The following GRID2 variants were observed in gnomAD, a reference collection of about 807,000 sequenced individuals.
GRID2 encodes glutamate ionotropic receptor delta type subunit 2, also known as glutamate receptor ionotropic, delta-2.
Under a neutral mutation model 114.8 loss-of-function variants are expected in GRID2, and 33 were observed. The observed-to-expected ratio is 0.29, with a 90% CI of 0.22 to 0.38. The LOEUF is 0.38. Among genes scored for constraint, GRID2 ranks in the 10% least tolerant of loss-of-function variants. GRID2 has a pLI of 1.00. For missense variants in GRID2, 1,184 were observed against 1,257.7 expected (o/e 0.94, Z 0.89); for synonymous variants, 505 against 449.9 (o/e 1.12, Z -1.55).
intron 2 of GRID2, among the ~76,000 whole-genome samples, chr4:92,986,352 A>G (rs1416218010): frequency 1.3e-5 from 2 of 152,198 alleles, no homozygotes; most frequent in Non-Finnish European, 2.9e-5. Flanking sequence ...TGATTAAATC[A>G]GCCAATAAGT....
At chr4:92,958,221 T>C (rs1031952885) in intron 2 of GRID2, among the ~76,000 whole-genome samples, 1 of 152,080 alleles carries the variant, frequency 6.6e-6, no homozygotes, top group Non-Finnish European at 1.5e-5. Context: ...GCCTACTTCC[T>C]GATCTTAGTT....
At chr4:92,702,942 T>G (rs1376801935) in intron 2 of GRID2, among the ~76,000 whole-genome samples, 1 of 152,110 alleles carries the variant, frequency 6.6e-6, no homozygotes, top group Non-Finnish European at 1.5e-5. Context: ...CATCTCCCAG[T>G]TCTTTAGCAC....
At chr4:93,343,177 T>G (rs1345494561) in intron 8 of GRID2, among the ~76,000 whole-genome samples, 1 of 151,580 alleles carries the variant, frequency 6.6e-6, no homozygotes, top group Non-Finnish European at 1.5e-5. Flanking sequence ...TGTGTGTGTG[T>G]GTGTATTGGG....
At chr4:93,411,592 A>C (rs1022915620) in intron 9 of GRID2, among the ~76,000 whole-genome samples, 20 of 151,752 alleles carry the variant, frequency 1.3e-4, no homozygotes, top group African/African-American at 4.8e-4. Flanking sequence ...ATGCCACTAC[A>C]CCTGGCTAAT....
intron 1 of GRID2, among the ~76,000 whole-genome samples, chr4:92,380,069 G>T (rs561642763): frequency 6.6e-6 from 1 of 151,998 alleles, no homozygotes; most frequent in African/African-American, 2.4e-5. Context: ...CGAAAGTGCT[G>T]ATCTTTAATG....
chr4:92,447,513 A>G (rs1242530823), intron 1 of GRID2, among the ~76,000 whole-genome samples: 7 of 152,206 alleles, frequency 4.6e-5, no homozygotes, highest in Admixed American at 1.3e-4. Flanking sequence ...ACACAGTTCT[A>G]TTATTTTCCT....
chr4:92,394,731 G>A (rs1730411483), intron 1 of GRID2, among the ~76,000 whole-genome samples: 1 of 151,734 alleles, frequency 6.6e-6, no homozygotes, highest in South Asian at 2.1e-4. Flanking sequence ...AATTATATGT[G>A]CTGTCAGTAA....
chr4:92,401,858 A>T (rs1730803721), intron 1 of GRID2, among the ~76,000 whole-genome samples: 1 of 152,166 alleles, frequency 6.6e-6, no homozygotes, highest in Non-Finnish European at 1.5e-5. Flanking sequence ...ACATCAGTTG[A>T]CACTATCTTG....
chr4:93,068,985 C>T (rs1022132854), intron 2 of GRID2, among the ~76,000 whole-genome samples: 5 of 151,814 alleles, frequency 3.3e-5, no homozygotes, highest in Non-Finnish European at 4.4e-5. Context: ...GGAGCAGGCA[C>T]ATCACATGGC....
At chr4:93,605,663 T>C (rs1443557665) in intron 13 of GRID2, among the ~76,000 whole-genome samples, 1 of 152,162 alleles carries the variant, frequency 6.6e-6, no homozygotes, top group Non-Finnish European at 1.5e-5. Context: ...CAAAAAGTAT[T>C]TATCACTTGC....
At chr4:93,075,031 A>G (rs1346873287) in intron 2 of GRID2, among the ~76,000 whole-genome samples, 1 of 152,196 alleles carries the variant, frequency 6.6e-6, no homozygotes. Flanking sequence ...GTTCTACCAG[A>G]CTTTTCAGGA....
chr4:92,911,232 A>T (rs1748354754), intron 2 of GRID2, among the ~76,000 whole-genome samples: 1 of 152,088 alleles, frequency 6.6e-6, no homozygotes, highest in Non-Finnish European at 1.5e-5. Context: ...AACTTTAATT[A>T]AAATACAAAT....
At chr4:93,795,760 A>G (rs1734783937) in intron 1 of GRID2, among the ~76,000 whole-genome samples, 1 of 152,224 alleles carries the variant, frequency 6.6e-6, no homozygotes, top group African/African-American at 2.4e-5. Flanking sequence ...ATAATGCTAC[A>G]GGTCTTAAAT....
intron 2 of GRID2, among the ~76,000 whole-genome samples, chr4:93,033,166 G>C (rs1724593828): frequency 1.3e-5 from 2 of 152,026 alleles, no homozygotes; most frequent in South Asian, 4.1e-4. Flanking sequence ...GAAGTTAGAG[G>C]GAGCACAGTT....
intron 4 of GRID2, among the ~76,000 whole-genome samples, chr4:93,200,571 A>AAACG (rs1554006820): frequency 6.9e-6 from 1 of 144,840 alleles, no homozygotes; most frequent in Non-Finnish European, 1.5e-5. Context: ...GTCTCAAAAC[A>AAACG]AACAAACAAA....
At chr4:93,023,442 G>C (rs1280869528) in intron 2 of GRID2, among the ~76,000 whole-genome samples, 3 of 151,922 alleles carry the variant, frequency 2.0e-5, no homozygotes, top group Admixed American at 2.0e-4. Flanking sequence ...TAATCACAAT[G>C]TTTCTCAAAT....
At chr4:93,263,484 T>A (rs1022517393) in intron 8 of GRID2, among the ~76,000 whole-genome samples, 6 of 152,098 alleles carry the variant, frequency 3.9e-5, no homozygotes, top group African/African-American at 1.2e-4. Flanking sequence ...TCCAAAATAA[T>A]TGAATAATTT....
chr4:93,371,690 T>A (rs1762926570), intron 8 of GRID2, among the ~76,000 whole-genome samples: 1 of 150,698 alleles, frequency 6.6e-6, no homozygotes, highest in African/African-American at 2.4e-5. Context: ...ACTCCATACA[T>A]CACATGTGCT....
intron 11 of GRID2, among the ~76,000 whole-genome samples, chr4:93,482,229 A>G (rs1216191615): frequency 1.3e-5 from 2 of 152,052 alleles, no homozygotes; most frequent in Non-Finnish European, 2.9e-5. Context: ...CTATAAAGAC[A>G]CATACACATA....
Sources: allele counts gnomAD v4.1 joint callset (sites outside exome capture counted in the v4.1 genomes callset), GRCh38; gene constraint gnomAD v4.1.1; transcripts MANE v1.5; gene names NCBI Gene and HGNC (gene_info 2026-07-23, HGNC 2026-07-21).